TXNDC11: variants seen among roughly 807,000 people sequenced by gnomAD.
The protein encoded by TXNDC11 is thioredoxin domain-containing protein 11.
TXNDC11 carries 68 observed loss-of-function variants against 78.0 expected under a neutral mutation model. The observed-to-expected ratio is 0.87, with a 90% confidence interval of 0.72 to 1.07. The LOEUF is 1.07. Among genes scored for constraint, TXNDC11 ranks in the 50% least tolerant of loss-of-function variants. The pLI is 0.00. For missense variants in TXNDC11, 1,389 were observed against 1,221.8 expected, an observed-to-expected ratio of 1.14 and a Z score of -2.04; for synonymous variants, 571 against 495.2, an observed-to-expected ratio of 1.15 and a Z score of -2.03.
At chr16:11,701,516 C>T (rs1033974395) in intron 5 of TXNDC11, among the ~76,000 whole-genome samples, 5 of 151,906 alleles carry the variant, frequency 3.3e-5, no homozygotes, top group East Asian at 1.9e-4. Context: ...ACAGAAGTGC[C>T]GGGGTGTATA....
At chr16:11,724,793 T>G (rs771174442) in intron 4 of TXNDC11, among the ~76,000 whole-genome samples, 1 of 152,174 alleles carries the variant, frequency 6.6e-6, no homozygotes, top group Non-Finnish European at 1.5e-5. Context: ...TCGCCAAGGC[T>G]GGCGTGCAGT....
rs1389186419 is a variant in TXNDC11, at chr16:11,688,314, G to T, written c.2032C>A (p.Leu678Ile). The change falls in exon 9 of 12, where the codon CTT (leucine) becomes ATT (isoleucine). Residue 678 changes from leucine (L) to isoleucine (I), a missense_variant. Physicochemically the swap from Leu to Ile is conservative, Grantham distance 5. Coordinates refer to ENST00000283033, the MANE Select transcript of TXNDC11 (RefSeq NM_015914.7). ...TCATGACTCCATACCTGTTTTTGAA[G>T]GACTACTTCCCAAAAGGTATCAGTT... ...VTTDTFWEVV[L>I]QKQDVLLLYY... 1 of 1,613,462 alleles carries T rather than the reference G, an allele frequency of 6.2e-7. No homozygotes were observed. The highest frequency in any genetic ancestry group is 1.7e-5 in the Admixed American group (1 of 59,774).
intron 5 of TXNDC11, among the ~76,000 whole-genome samples, chr16:11,704,226 C>T (rs2051113480): frequency 6.6e-6 from 1 of 152,138 alleles, no homozygotes; most frequent in Admixed American, 6.5e-5. Flanking sequence ...AATGACAGTA[C>T]ACAGAATAAG....
At chr16:11,703,723 G>C (rs1339091992) in intron 5 of TXNDC11, 2 of 701,794 alleles carry the variant, frequency 2.8e-6, no homozygotes, top group South Asian at 1.5e-5. Flanking sequence ...AGAAACCAGG[G>C]CCCTTGGAGA....
At chr16:11,685,355 AAAC>A (rs1457865782) in intron 10 of TXNDC11, among the ~76,000 whole-genome samples, 2 of 150,158 alleles carry the variant, frequency 1.3e-5, no homozygotes, top group East Asian at 2.0e-4. Flanking sequence ...TGTCTCAAAA[AAAC>A]AACAACGCCG....
chr16:11,705,519 A>G (rs2051156782), intron 5 of TXNDC11, among the ~76,000 whole-genome samples: 1 of 152,184 alleles, frequency 6.6e-6, no homozygotes, highest in Non-Finnish European at 1.5e-5. Flanking sequence ...AGCAGCCAGT[A>G]AGGAAATTCA....
At chr16:11,695,853 G>A (rs549990615) in intron 7 of TXNDC11, among the ~76,000 whole-genome samples, 8 of 152,082 alleles carry the variant, frequency 5.3e-5, no homozygotes, top group African/African-American at 1.7e-4. Context: ...GGGTAACATG[G>A]CGAAACCCCA....
intron 5 of TXNDC11, among the ~76,000 whole-genome samples, chr16:11,717,836 A>G (rs1457829404): frequency 6.6e-6 from 1 of 151,898 alleles, no homozygotes; most frequent in Non-Finnish European, 1.5e-5. Context: ...AAAAAAAGAA[A>G]GGCTAATACA....
intron 7 of TXNDC11, among the ~76,000 whole-genome samples, chr16:11,696,254 C>G (rs1184366505): frequency 1.3e-5 from 2 of 152,154 alleles, no homozygotes; most frequent in Non-Finnish European, 2.9e-5. Flanking sequence ...TTTTCTCAAC[C>G]CATCAAGATC....
At chr16:11,735,287 T>A (rs898355183) in intron 2 of TXNDC11, among the ~76,000 whole-genome samples, 3 of 152,208 alleles carry the variant, frequency 2.0e-5, no homozygotes, top group Non-Finnish European at 4.4e-5. Context: ...ATTCAGTGAT[T>A]CTACATAAAG....
intron 11 of TXNDC11, among the ~76,000 whole-genome samples, chr16:11,683,636 T>G (rs1329901621): frequency 1.3e-5 from 2 of 152,058 alleles, no homozygotes; most frequent in African/African-American, 4.8e-5. Flanking sequence ...CTAAGAATTC[T>G]CACGGCCACA....
intron 9 of TXNDC11, 112 bp from the exon 10 acceptor site, chr16:11,688,078 T>C: frequency 2.1e-6 from 2 of 966,996 alleles, no homozygotes; most frequent in South Asian, 1.4e-5. Context: ...CCTATGCAAA[T>C]ATTACAGTGA....
rs1470832372 is a variant in TXNDC11, at chr16:11,734,854, A to ACT, written c.472-776_472-775insAG. Among the ~76,000 whole-genome samples the ACT allele has an allele frequency of 4.5e-4, 69 of 152,178 alleles. 1 individual carries two copies. The highest frequency in any genetic ancestry group is 4.5e-3 in the Admixed American group (69 of 15,270). ...TGGTTCTGAGCAGGAGAGTCTTAGAAATCTGTGGGATGCTTTTGGCTTGCT... is the reference window on the plus strand; with the variant it reads ...TGGTTCTGAGCAGGAGAGTCTTAGAACTATCTGTGGGATGCTTTTGGCTTGCT... On this transcript the variant is annotated intron_variant, in intron 2 of 11. Coordinates refer to ENST00000283033, the MANE Select transcript of TXNDC11 (RefSeq NM_015914.7).
chr16:11,727,096 C>T (rs1263217064), intron 4 of TXNDC11, among the ~76,000 whole-genome samples: 2 of 152,150 alleles, frequency 1.3e-5, no homozygotes, highest in Non-Finnish European at 2.9e-5. Flanking sequence ...TATTTCAGGA[C>T]ATCATCACTT....
At chr16:11,700,684 C>T (rs191487035) in intron 5 of TXNDC11, 120 bp from the exon 6 acceptor site, 1 of 576,932 alleles carries the variant, frequency 1.7e-6, no homozygotes, top group East Asian at 2.9e-5. Flanking sequence ...GGTAACCTAG[C>T]CTAGAGAGGG....
At chr16:11,681,781 G>C (rs1415443723) in intron 11 of TXNDC11, among the ~76,000 whole-genome samples, 1 of 152,160 alleles carries the variant, frequency 6.6e-6, no homozygotes, top group East Asian at 1.9e-4. Context: ...GGAGCAAGTG[G>C]CTCCAAGATG....
chr16:11,711,074 TCC>T (rs1213728473), intron 5 of TXNDC11, among the ~76,000 whole-genome samples: 1 of 151,714 alleles, frequency 6.6e-6, no homozygotes, highest in East Asian at 1.9e-4. Flanking sequence ...CCATAGAACT[TCC>T]CCTAGGCCTT....
chr16:11,689,328 G>C (rs888895133), intron 8 of TXNDC11, among the ~76,000 whole-genome samples: 4 of 152,182 alleles, frequency 2.6e-5, no homozygotes, highest in African/African-American at 9.7e-5. Flanking sequence ...GTGCAGAATG[G>C]AAGAGGAAGT....
At position 11,742,602 on chromosome 16, in the gene TXNDC11, G is replaced by A. The variant is rs998358284; in HGVS notation, c.129C>T (p.Ser43=). The A allele has an allele frequency of 1.4e-5, 20 of 1,459,392 alleles. No individual in the cohort carries two copies. Among genetic ancestry groups the A allele is most frequent in the South Asian group, 1.3e-4 (10 of 75,762 alleles). 90.4% of individuals were successfully genotyped at this position (1,459,392 alleles called of 1,614,324 possible). A position where few individuals can be genotyped will look rare whatever the true frequency, so the allele number is the denominator to read the frequency against. ...LSSSPTLATA[S]SAGRLRRGLR... ...GCCCGCGACGGAGCCGGCCCGCCGA[G>A]GACGCTGTGGCCAGGGTCGGGCTCG... is the stretch of plus-strand genomic sequence containing the variant. The change falls in exon 1 of 12, where the codon TCC becomes TCT. Residue 43 remains serine (S), a synonymous_variant. Transcript: ENST00000283033.
Sources: gnomAD v4.1 joint callset for allele counts (sites outside exome capture counted in the v4.1 genomes callset) on GRCh38, gnomAD v4.1.1 for gene constraint, MANE v1.5 for transcripts, NCBI Gene and HGNC (gene_info 2026-07-23, HGNC 2026-07-21) for gene names.